The following MTERF1 variants were observed in gnomAD, a reference collection of about 807,000 sequenced individuals.
The protein encoded by MTERF1 is transcription termination factor 1, mitochondrial.
In MTERF1, 29 loss-of-function variants were observed where a neutral mutation model predicts 31.6. That is an observed-to-expected ratio of 0.92 (90% CI 0.68 to 1.25). The LOEUF is 1.25. Among genes scored for constraint, MTERF1 ranks in the 50% most tolerant of loss-of-function variants. MTERF1 has a pLI of 0.00. For missense variants in MTERF1, 500 were observed against 469.1 expected, an observed-to-expected ratio of 1.07 and a Z score of -0.61; for synonymous variants, 152 against 164.1, an observed-to-expected ratio of 0.93 and a Z score of 0.57.
In MTERF1 at chr7:91,874,095, A is replaced by G. The variant is rs1789264707; in HGVS notation, c.699T>C (p.Phe233=). 6.2e-7 allele frequency: 1 copy of G among 1,614,172 alleles called. No homozygotes were observed. Among genetic ancestry groups the G allele is most frequent in the Non-Finnish European group, 8.5e-7 (1 of 1,180,028 alleles). Residue 233 remains phenylalanine, a synonymous_variant, in exon 3 of 3, where the codon TTT becomes TTC. Coordinates refer to ENST00000351870, the MANE Select transcript of MTERF1 (RefSeq NM_006980.5). ...LSLGHNDPAD[F]VRKIIFKNPF... is the part of the protein sequence containing the mutation. Reference sequence around the variant, plus strand: ...GGTTTTTAAAAATTATCTTTCTGACAAAATCTGCGGGATCATTGTGACCCA... The same window carrying G: ...GGTTTTTAAAAATTATCTTTCTGACGAAATCTGCGGGATCATTGTGACCCA...
At position 91,873,912 on chromosome 7, in the gene MTERF1, T is replaced by C. The variant is rs1296979238; in HGVS notation, c.882A>G (p.Ala294=). Residue 294 remains alanine (A), a synonymous_variant, in exon 3 of 3, where the codon GCA becomes GCG. Transcript: ENST00000351870. ...LSNDYARRSY[A]NIKEKLFSLG... ...GAGAAAACAGCTTCTCTTTGATGTT[T>C]GCGTAGCTTCTTCTGGCATAGTCAT... The C allele has an allele frequency of 6.2e-7, 1 of 1,614,054 alleles. No homozygotes were observed. The highest frequency in any genetic ancestry group is 8.5e-7 in the Non-Finnish European group (1 of 1,179,998).
At position 91,874,476 on chromosome 7, in the gene MTERF1, G is replaced by A. The variant is rs1789288749; in HGVS notation, c.318C>T (p.Asp106=). Reference sequence around the variant, plus strand: ...CTTTGGAAAGAAGGAACATCTTCAGGTCCTGCTCATTGGTAATCATCCTAT... The same window carrying A: ...CTTTGGAAAGAAGGAACATCTTCAGATCCTGCTCATTGGTAATCATCCTAT... ...VFHRMITNEQ[D]LKMFLLSKGA... The change falls in exon 3 of 3, where the codon GAC becomes GAT. Residue 106 remains aspartate (D), a synonymous_variant. Transcript: ENST00000351870. 2 of 1,613,954 alleles carry A rather than the reference G, an allele frequency of 1.2e-6. No homozygotes were observed. The highest frequency in any genetic ancestry group is 1.7e-6 in the Non-Finnish European group (2 of 1,180,004).
rs139218723 is a variant in MTERF1, at chr7:91,873,921, T to G, written c.873A>C (p.Arg291Ser). ...ILDLSNDYAR[R>S]SYANIKEKLF... ...GCTTCTCTTTGATGTTTGCGTAGCTTCTTCTGGCATAGTCATTGGAAAGGT... is the reference window on the plus strand; with the variant it reads ...GCTTCTCTTTGATGTTTGCGTAGCTGCTTCTGGCATAGTCATTGGAAAGGT... The change falls in exon 3 of 3, where the codon AGA becomes AGC. Residue 291 changes from arginine (R) to serine (S), a missense_variant. Physicochemically the swap from Arg to Ser is moderately radical, Grantham distance 110 (BLOSUM62 -1). Coordinates refer to ENST00000351870, the MANE Select transcript of MTERF1 (RefSeq NM_006980.5). The G allele has an allele frequency of 4.3e-6, 7 of 1,614,040 alleles. No homozygotes were observed. In the East Asian group the frequency reaches 6.7e-5, roughly 15 times the overall value.
chr7:91,874,717 A>C lies in MTERF1; in HGVS notation c.77T>G (p.Leu26Arg). The C allele has an allele frequency of 1.9e-6, 3 of 1,613,768 alleles. No individual in the cohort carries two copies. The highest frequency in any genetic ancestry group is 2.5e-6 in the Non-Finnish European group (3 of 1,179,892). Reference protein sequence around the residue: ...NYLTIMAPGNLWHMRNNFLFG... With the variant: ...NYLTIMAPGNRWHMRNNFLFG... ...GAGAAAGTTATTTCTCATATGCCAG[A>C]GGTTTCCTGGTGCCATAATGGTTAG... The change falls in exon 3 of 3, where the codon CTC (leucine) becomes CGC (arginine). Residue 26 changes from leucine to arginine, a missense_variant. Coordinates refer to ENST00000351870, the MANE Select transcript of MTERF1 (RefSeq NM_006980.5).
intron 2 of MTERF1, among the ~76,000 whole-genome samples, chr7:91,879,769 T>C (rs986438388): frequency 6.6e-6 from 1 of 152,162 alleles, no homozygotes; most frequent in Non-Finnish European, 1.5e-5. Flanking sequence ...TCAAAAATGG[T>C]ACCTATTCAA....
chr7:91,879,965 AC>A, intron 2 of MTERF1, 89 bp downstream of exon 2: 1 of 1,485,564 alleles, frequency 6.7e-7, no homozygotes, highest in Non-Finnish European at 9.3e-7. Context: ...AATGGAAATA[AC>A]TAATCACTGG....
intron 2 of MTERF1, chr7:91,876,849 T>C (rs1031559754): frequency 1.1e-6 from 1 of 918,912 alleles, no homozygotes; most frequent in African/African-American, 1.8e-5. Flanking sequence ...AATATAATTA[T>C]CCTTCTAACT....
At chr7:91,876,045 T>C (rs547926081) in intron 2 of MTERF1, among the ~76,000 whole-genome samples, 3 of 152,346 alleles carry the variant, frequency 2.0e-5, no homozygotes, top group South Asian at 2.1e-4. Flanking sequence ...TCTGGGCTGT[T>C]TGCATCTGTT....
intron 1 of MTERF1, 139 bp from the exon 2 acceptor site, chr7:91,880,252 T>A: frequency 1.5e-6 from 1 of 651,440 alleles, no homozygotes; most frequent in African/African-American, 1.8e-5. Flanking sequence ...ACAACATTTC[T>A]CAGACATACA....
At chr7:91,876,547 C>T (rs898864962) in intron 2 of MTERF1, among the ~76,000 whole-genome samples, 8 of 152,188 alleles carry the variant, frequency 5.3e-5, no homozygotes, top group Admixed American at 1.3e-4. Context: ...TGTGTCTGTC[C>T]TTTCAATTAC....
In MTERF1 at chr7:91,880,085, C is replaced by A; in HGVS notation, c.-2G>T. On this transcript the variant is annotated 5_prime_UTR_variant, in exon 2 of 3. Transcript: ENST00000351870. ...TTGTCCTAAGGAAAGGCTCTGCATC[C>A]CTCCAGAAAGGCTGGAGAACAGCTA... The A allele has an allele frequency of 6.2e-7, 1 of 1,613,942 alleles. No homozygotes were observed. Among genetic ancestry groups the A allele is most frequent in the South Asian group, 1.1e-5 (1 of 91,056 alleles).
At chr7:91,879,234 G>T (rs1789433411) in intron 2 of MTERF1, among the ~76,000 whole-genome samples, 1 of 151,988 alleles carries the variant, frequency 6.6e-6, no homozygotes, top group South Asian at 2.1e-4. Context: ...AACCCAAATG[G>T]CCACCAATAG....
chr7:91,877,312 C>A (rs566243790), intron 2 of MTERF1, among the ~76,000 whole-genome samples: 1 of 152,174 alleles, frequency 6.6e-6, no homozygotes, highest in East Asian at 1.9e-4. Flanking sequence ...AAAATGTAAG[C>A]CAAAATTCCT....
rs1171427664 is a variant in MTERF1, at chr7:91,872,198, T to C, written c.*1396A>G. 6.6e-6 allele frequency: 1 copy of C among 152,224 alleles called. No homozygotes were observed. Among genetic ancestry groups the C allele is most frequent in the Non-Finnish European group, 1.5e-5 (1 of 68,036 alleles). The allele number at this position is 152,224 out of a possible 1,614,324, so 9.4% of individuals were successfully genotyped here. A position where few individuals can be genotyped will look rare whatever the true frequency, so the allele number is the denominator to read the frequency against. On this transcript the variant is annotated 3_prime_UTR_variant, in exon 3 of 3. Transcript: ENST00000351870. ...AATGGAAGATAAAGTTGCACAACTCTATATATAAATTGAACTGTGTTAGAC... is the reference window on the plus strand; with the variant it reads ...AATGGAAGATAAAGTTGCACAACTCCATATATAAATTGAACTGTGTTAGAC...
rs1187328217 is a variant in MTERF1 at position 91,871,159 on chromosome 7, T to C, written c.*2435A>G. On this transcript the variant is annotated 3_prime_UTR_variant, in exon 3 of 3. Coordinates refer to ENST00000351870, the MANE Select transcript of MTERF1 (RefSeq NM_006980.5). ...AAACCTTAAAGTATGACATGTTAAT[T>C]TTGCCTGACAGGCATTATCTGTTTG... The C allele has an allele frequency of 6.6e-6, 1 of 152,290 alleles. No homozygotes were observed. The highest frequency in any genetic ancestry group is 1.5e-5 in the Non-Finnish European group (1 of 68,152). The allele number at this position is 152,290 out of a possible 1,614,324, so 9.4% of individuals were successfully genotyped here.
rs766207442 is a variant in MTERF1, at chr7:91,874,392, A to G, written c.402T>C (p.Arg134=). The change falls in exon 3 of 3, where the codon CGT becomes CGC. Residue 134 remains arginine, a synonymous_variant. Transcript: ENST00000351870. ...IISRYPRAIT[R]TPENLSKRWD... is the part of the protein sequence containing the mutation. Reference sequence around the variant, plus strand: ...ACCGTTTTGAAAGATTCTCGGGAGTACGTGTTATTGCTCGTGGATATCTTG... The same window carrying G: ...ACCGTTTTGAAAGATTCTCGGGAGTGCGTGTTATTGCTCGTGGATATCTTG... The G allele has an allele frequency of 3.1e-6, 5 of 1,614,058 alleles. No homozygotes were observed. Among genetic ancestry groups the G allele is most frequent in the Middle Eastern group, 1.6e-4 (1 of 6,084 alleles).
rs201515058 is a variant in MTERF1, at chr7:91,874,177, T to C, written c.617A>G (p.Asn206Ser). 1.6e-4 allele frequency: 259 copies of C among 1,614,090 alleles called. No individual in the cohort carries two copies. Among genetic ancestry groups the C allele is most frequent in the Non-Finnish European group, 2.0e-4 (241 of 1,180,006 alleles). The change falls in exon 3 of 3, where the codon AAT becomes AGT. Residue 206 changes from asparagine to serine, a missense_variant. Physicochemically the swap from Asn to Ser is conservative, Grantham distance 46. Transcript: ENST00000351870. ...LLTNAPRTFS[N>S]SLDLNKQMVE... is the part of the protein sequence containing the mutation. Reference sequence around the variant, plus strand: ...CATCTGTTTATTCAGATCAAGACTATTGGAGAAGGTACGAGGGGCATTGGT... The same window carrying C: ...CATCTGTTTATTCAGATCAAGACTACTGGAGAAGGTACGAGGGGCATTGGT...
rs1253675591 is a variant in MTERF1, at chr7:91,871,261, ATT to A, written c.*2331_*2332del. 1.3e-5 allele frequency: 2 copies of A among 152,164 alleles called. No individual in the cohort carries two copies. Among genetic ancestry groups the A allele is most frequent in the African/African-American group, 2.4e-5 (1 of 41,412 alleles). 9.4% of individuals were successfully genotyped at this position (152,164 alleles called of 1,614,324 possible). ...TGTACTGTACTTCAGTGCAACCCACATTCTCTCTGGCCACTTGCAACTATCGT... is the reference window on the plus strand; with the variant it reads ...TGTACTGTACTTCAGTGCAACCCACACTCTCTGGCCACTTGCAACTATCGT... On this transcript the variant is annotated 3_prime_UTR_variant, in exon 3 of 3. Transcript: ENST00000351870.
Position 91,873,160 on chromosome 7 carries a change from A to G in MTERF1, c.*434T>C, listed in dbSNP as rs2130294002. On this transcript the variant is annotated 3_prime_UTR_variant, in exon 3 of 3. Coordinates refer to ENST00000351870, the MANE Select transcript of MTERF1 (RefSeq NM_006980.5). ...TATCACTGACTCAGTGGTTTAAAAC[A>G]ACACAAATTTACCATCTTATGGTTC... 6.4e-6 allele frequency: 1 copy of G among 155,326 alleles called. No individual in the cohort carries two copies. Among genetic ancestry groups the G allele is most frequent in the East Asian group, 1.9e-4 (1 of 5,236 alleles). 9.6% of individuals were successfully genotyped at this position (155,326 alleles called of 1,614,324 possible).
Sources: gnomAD v4.1 joint callset for allele counts (sites outside exome capture counted in the v4.1 genomes callset) on GRCh38, gnomAD v4.1.1 for gene constraint, MANE v1.5 for transcripts, NCBI Gene and HGNC (gene_info 2026-07-23, HGNC 2026-07-21) for gene names.